The following SPMIP4 variants were observed in gnomAD, a reference collection of about 807,000 sequenced individuals.
The protein encoded by SPMIP4 is sperm microtubule inner protein 4.
the SPMIP4 span, among the ~76,000 whole-genome samples, chr7:25,163,489 T>G: frequency 1.4e-4 from 21 of 152,188 alleles, no homozygotes; most frequent in African/African-American, 4.8e-4. This position sits in a 1 kb window ranked among gnomAD's most constrained non-coding sequence, Gnocchi z 4.4. Flanking sequence ...AATAATTAGG[T>G]AGATAAAACG....
At chr7:25,158,512 A>G in the SPMIP4 span, 1 of 1,609,794 alleles carries the variant, frequency 6.2e-7, no homozygotes, top group Non-Finnish European at 8.5e-7. Flanking sequence ...CTACTGTTGA[A>G]TTAGGCGGCT....
the SPMIP4 span, among the ~76,000 whole-genome samples, chr7:25,172,663 C>T: frequency 1.3e-5 from 2 of 152,170 alleles, no homozygotes; most frequent in Non-Finnish European, 2.9e-5. The surrounding 1 kb of genome is among the most constrained non-coding windows in gnomAD (Gnocchi z 4.2). Flanking sequence ...GACCATGAGA[C>T]TTTCAAATGC....
the SPMIP4 span, among the ~76,000 whole-genome samples, chr7:25,177,484 A>T: frequency 3.3e-5 from 5 of 149,788 alleles, no homozygotes; most frequent in Admixed American, 1.3e-4. Context: ...TCCGTCTAAT[A>T]AAAAAAAAAC....
chr7:25,139,900 AAG>A, the SPMIP4 span, among the ~76,000 whole-genome samples: 1 of 152,254 alleles, frequency 6.6e-6, no homozygotes, highest in African/African-American at 2.4e-5. Context: ...AGAAACCAGC[AAG>A]AGTCACTAAA....
the SPMIP4 span, among the ~76,000 whole-genome samples, chr7:25,133,152 G>T: frequency 6.6e-6 from 1 of 152,292 alleles, no homozygotes; most frequent in South Asian, 2.1e-4. Context: ...TAGGAGGGAA[G>T]GAATTGCAAA....
chr7:25,152,037 G>C, the SPMIP4 span, among the ~76,000 whole-genome samples: 90,931 of 151,914 alleles, frequency 0.6, 28,436 homozygotes, highest in Non-Finnish European at 0.69. Flanking sequence ...GCCACACAGA[G>C]TGTGAATGAG....
the SPMIP4 span, among the ~76,000 whole-genome samples, chr7:25,148,988 A>G: frequency 6.6e-6 from 1 of 152,224 alleles, no homozygotes; most frequent in Non-Finnish European, 1.5e-5. Flanking sequence ...AAACAGCCAG[A>G]TTGGTTACAC....
chr7:25,169,911 T>G, the SPMIP4 span, among the ~76,000 whole-genome samples: 5 of 152,214 alleles, frequency 3.3e-5, no homozygotes, highest in Non-Finnish European at 7.3e-5. Context: ...AATATTCCAC[T>G]GTATAGATAT....
At chr7:25,165,585 T>G in the SPMIP4 span, among the ~76,000 whole-genome samples, 5 of 152,210 alleles carry the variant, frequency 3.3e-5, no homozygotes, top group African/African-American at 1.2e-4. Context: ...CCTGACCTCA[T>G]GATCTGCCCA....
At chr7:25,164,107 T>C in the SPMIP4 span, among the ~76,000 whole-genome samples, 2 of 152,154 alleles carry the variant, frequency 1.3e-5, no homozygotes, top group East Asian at 1.9e-4. Flanking sequence ...GACCAATAAA[T>C]AGATTCCCCC....
At chr7:25,133,969 TAG>T in the SPMIP4 span, among the ~76,000 whole-genome samples, 9 of 152,206 alleles carry the variant, frequency 5.9e-5, no homozygotes, top group East Asian at 1.5e-3. Context: ...ATGACAAAAA[TAG>T]AGTTACTAGG....
the SPMIP4 span, chr7:25,179,282 G>C: frequency 6.2e-7 from 1 of 1,613,224 alleles, no homozygotes; most frequent in Non-Finnish European, 8.5e-7. Context: ...CCCTGCAACA[G>C]TAGGGCCTGC....
the SPMIP4 span, chr7:25,136,614 C>T: frequency 6.2e-7 from 1 of 1,614,134 alleles, no homozygotes. The surrounding 1 kb of genome is among the most constrained non-coding windows in gnomAD (Gnocchi z 5.7). Context: ...TAAGTGCCAC[C>T]ATTTCTTTAG....
chr7:25,134,383 C>T, the SPMIP4 span, among the ~76,000 whole-genome samples: 1 of 143,448 alleles, frequency 7.0e-6, no homozygotes, highest in East Asian at 2.1e-4. Flanking sequence ...AACACACACA[C>T]ACAAAACAAA....
chr7:25,134,418 G>T, the SPMIP4 span, among the ~76,000 whole-genome samples: 1 of 150,648 alleles, frequency 6.6e-6, no homozygotes, highest in African/African-American at 2.4e-5. Context: ...TGATGAGCAT[G>T]CTTGGAGTTT....
the SPMIP4 span, chr7:25,136,775 C>G: frequency 6.2e-7 from 1 of 1,609,674 alleles, no homozygotes; most frequent in South Asian, 1.1e-5. The surrounding 1 kb of genome is among the most constrained non-coding windows in gnomAD (Gnocchi z 5.7). Flanking sequence ...GGTTTGAAGA[C>G]AGGGTGGAAT....
chr7:25,150,279 T>C, the SPMIP4 span, among the ~76,000 whole-genome samples: 3 of 152,158 alleles, frequency 2.0e-5, no homozygotes, highest in Non-Finnish European at 2.9e-5. Flanking sequence ...TATAAGAACA[T>C]GTAATGATAG....
chr7:25,164,793 C>T, the SPMIP4 span, among the ~76,000 whole-genome samples: 1 of 152,110 alleles, frequency 6.6e-6, no homozygotes, highest in African/African-American at 2.4e-5. Context: ...AACCTTCCCC[C>T]TGAGTCCCCA....
the SPMIP4 span, among the ~76,000 whole-genome samples, chr7:25,160,216 A>G: frequency 2.9e-5 from 2 of 68,336 alleles, no homozygotes; most frequent in Non-Finnish European, 1.1e-4. Context: ...TTCTATATTA[A>G]ATTTTTACCT....
Sources: gnomAD v4.1 joint callset for allele counts (sites outside exome capture counted in the v4.1 genomes callset) on GRCh38, gnomAD v4.1.1 for gene constraint, Gnocchi (gnomAD v3.1) non-coding constraint, MANE v1.5 for transcripts, NCBI Gene and HGNC (gene_info 2026-07-23, HGNC 2026-07-21) for gene names.